Variants in SLC44A5 observed in about 807,000 individuals in gnomAD.
The protein encoded by SLC44A5 is choline transporter-like protein 5.
A neutral mutation model predicts 101.8 loss-of-function variants in SLC44A5; 57 were observed. The ratio of observed to expected loss-of-function variants is 0.56; its 90% CI spans 0.45 to 0.70. The LOEUF (loss-of-function observed/expected upper bound fraction) is 0.70. Ranked by LOEUF, SLC44A5 falls within the 30% of genes least tolerant of loss-of-function variation. The pLI, the probability that SLC44A5 is intolerant of heterozygous loss-of-function variation, is 0.00. For synonymous variants in SLC44A5, 281 were observed against 290.9 expected, an observed-to-expected ratio of 0.97 and a Z score of 0.35; for missense variants, 737 against 853.1, an observed-to-expected ratio of 0.86 and a Z score of 1.70.
intron 3 of SLC44A5, among the ~76,000 whole-genome samples, chr1:75,369,110 C>T (rs1399290582): frequency 6.6e-6 from 1 of 151,916 alleles, no homozygotes; most frequent in Non-Finnish European, 1.5e-5. Flanking sequence ...AATTCCTGGG[C>T]TCAGGGAATC....
intron 5 of SLC44A5, among the ~76,000 whole-genome samples, chr1:75,289,439 A>C (rs1653350641): frequency 6.6e-6 from 1 of 152,164 alleles, no homozygotes; most frequent in African/African-American, 2.4e-5. Flanking sequence ...GCTTCCCATC[A>C]TAATGTTTAA....
chr1:75,450,975 A>T (rs1268562730), intron 2 of SLC44A5, among the ~76,000 whole-genome samples: 1 of 152,080 alleles, frequency 6.6e-6, no homozygotes, highest in Non-Finnish European at 1.5e-5. Flanking sequence ...GCAGGTCTTT[A>T]GGCATCTGGA....
chr1:75,400,379 A>G (rs1008785817), intron 2 of SLC44A5, among the ~76,000 whole-genome samples: 10 of 152,190 alleles, frequency 6.6e-5, no homozygotes, highest in African/African-American at 9.6e-5. Context: ...AATTATTTTA[A>G]TTAAAAATAG....
chr1:75,395,927 A>G (rs1412171821), intron 3 of SLC44A5, among the ~76,000 whole-genome samples: 2 of 152,176 alleles, frequency 1.3e-5, no homozygotes, highest in African/African-American at 4.8e-5. Context: ...GTACTTATTT[A>G]TATACCTCAG....
Position 75,219,321 on chromosome 1 carries a change from G to T in SLC44A5, c.1202C>A (p.Pro401His). Residue 401 changes from proline to histidine, a missense_variant, in exon 16 of 24, where the codon CCT becomes CAT. Physicochemically the swap from Pro to His is moderately conservative, Grantham distance 77. This residue lies in a region of SLC44A5 where 665 missense variants were observed against 764.4 expected (regional missense o/e 0.87). Coordinates refer to ENST00000370859, the MANE Select transcript of SLC44A5 (RefSeq NM_001130058.2). ...TAVFLATSGV[P>H]VYKVIAPGGH... Reference sequence around the variant, plus strand: ...CCCTGGAGCTATGACTTTGTATACAGGTACCCCCGATGTCGCCAAGAAACT... The same window carrying T: ...CCCTGGAGCTATGACTTTGTATACATGTACCCCCGATGTCGCCAAGAAACT... The T allele has an allele frequency of 6.2e-7, 1 of 1,612,888 alleles. No homozygotes were observed. Among genetic ancestry groups the T allele is most frequent in the Non-Finnish European group, 8.5e-7 (1 of 1,179,044 alleles).
At chr1:75,211,814 CTTTCTTTTCT>C (rs61300748) in intron 22 of SLC44A5, among the ~76,000 whole-genome samples, 5 of 146,668 alleles carry the variant, frequency 3.4e-5, no homozygotes, top group Admixed American at 2.8e-4. Flanking sequence ...TTCCTTTCCC[CTTTCTTTTCT>C]TTTCTTTTCT....
rs145004692 is a variant in SLC44A5 at position 75,350,675 on chromosome 1, A to T, written c.53-11045T>A. Among the ~76,000 whole-genome samples the T allele has an allele frequency of 5.7e-3, 864 of 151,894 alleles. 10 individuals are homozygous for T. Among genetic ancestry groups the T allele is most frequent in the African/African-American group, 0.02 (832 of 41,418 alleles). On this transcript the variant is annotated intron_variant, in intron 3 of 23. Transcript: ENST00000370859. ...TTTCGGAGGCCAAGGCGGGAGGATC[A>T]CAAGGTCAGGAGTTCAAGACCAGCC... is the stretch of plus-strand genomic sequence containing the variant.
the SLC44A5 span, among the ~76,000 whole-genome samples, chr1:75,623,668 G>C: frequency 6.6e-6 from 1 of 151,896 alleles, no homozygotes; most frequent in Non-Finnish European, 1.5e-5. Flanking sequence ...GGACCAATGT[G>C]GCTGAAGCTT....
chr1:75,615,816 A>C, upstream of SLC44A5: 1 of 970,330 alleles, frequency 1.0e-6, no homozygotes, highest in Non-Finnish European at 1.2e-6. Context: ...CGGGTGAGAG[A>C]GGGGAGGCGG....
intron 12 of SLC44A5, among the ~76,000 whole-genome samples, chr1:75,230,026 T>C (rs1002004473): frequency 6.6e-6 from 1 of 152,214 alleles, no homozygotes; most frequent in Admixed American, 6.5e-5. Flanking sequence ...TTTGTCCCCT[T>C]GTTACATTCT....
At chr1:75,396,487 T>G (rs1439303849) in intron 3 of SLC44A5, 96 bp downstream of exon 3, 2 of 1,016,718 alleles carry the variant, frequency 2.0e-6, no homozygotes, top group Non-Finnish European at 3.0e-6. Context: ...CAAACAAATA[T>G]TTCGCTATTC....
intron 2 of SLC44A5, among the ~76,000 whole-genome samples, chr1:75,481,239 A>G (rs1213166288): frequency 6.6e-6 from 1 of 152,248 alleles, no homozygotes; most frequent in Non-Finnish European, 1.5e-5. Context: ...CTTATGCCTT[A>G]TACAAAAATT....
the SLC44A5 span, among the ~76,000 whole-genome samples, chr1:75,646,928 A>G: frequency 6.6e-6 from 1 of 152,242 alleles, no homozygotes; most frequent in Non-Finnish European, 1.5e-5. Flanking sequence ...ACAATGCAAA[A>G]GAAAAGAAAA....
the SLC44A5 span, among the ~76,000 whole-genome samples, chr1:75,644,365 CA>C: frequency 9.1e-6 from 1 of 110,366 alleles, no homozygotes; most frequent in Non-Finnish European, 1.8e-5. Flanking sequence ...AAATAATAAA[CA>C]AGGGATCATT....
intron 1 of SLC44A5, among the ~76,000 whole-genome samples, chr1:75,585,617 G>A (rs915388740): frequency 6.6e-6 from 1 of 152,108 alleles, no homozygotes; most frequent in Non-Finnish European, 1.5e-5. Flanking sequence ...TCTGAGGGCT[G>A]TTGTGAGGAT....
At chr1:75,344,294 A>G (rs1658092570) in intron 3 of SLC44A5, among the ~76,000 whole-genome samples, 1 of 152,184 alleles carries the variant, frequency 6.6e-6, no homozygotes, top group Non-Finnish European at 1.5e-5. Context: ...TAATTCCATT[A>G]ATCTCTGAGA....
chr1:75,716,333 C>T, the SLC44A5 span, among the ~76,000 whole-genome samples: 3 of 151,650 alleles, frequency 2.0e-5, no homozygotes, highest in African/African-American at 7.3e-5. Flanking sequence ...TAGCCAGGCA[C>T]GGTGGCCTGT....
chr1:75,702,121 T>C, the SLC44A5 span, among the ~76,000 whole-genome samples: 227 of 152,258 alleles, frequency 1.5e-3, no homozygotes, highest in African/African-American at 5.3e-3. Flanking sequence ...CCCAACAAGC[T>C]ACCAATGACT....
At chr1:75,237,091 A>C (rs1423318389) in intron 10 of SLC44A5, 21 bp from the exon 11 acceptor site, 2 of 1,485,036 alleles carry the variant, frequency 1.3e-6, no homozygotes, top group Non-Finnish European at 1.9e-6. Flanking sequence ...AGAAGGGAAA[A>C]AATCAATTAT....
Sources: gnomAD v4.1 joint callset for allele counts (sites outside exome capture counted in the v4.1 genomes callset) on GRCh38, gnomAD v4.1.1 for gene constraint, gnomAD v4.1.1 regional missense constraint, MANE v1.5 for transcripts, NCBI Gene and HGNC (gene_info 2026-07-23, HGNC 2026-07-21) for gene names.